Variants in FMN1 observed in about 807,000 individuals in gnomAD.
FMN1 encodes formin 1, also known as formin-1.
In FMN1, 110 loss-of-function variants were observed where a neutral mutation model predicts 132.4. The observed-to-expected ratio is 0.83, with a 90% confidence interval of 0.71 to 0.97. FMN1 has a LOEUF of 0.97. Ranked by LOEUF, FMN1 falls within the 50% of genes least tolerant of loss-of-function variation. The pLI, the probability that FMN1 is intolerant of heterozygous loss-of-function variation, is 0.00. For missense variants in FMN1, 1,792 were observed against 1,705.3 expected (o/e 1.05, Z -0.90); for synonymous variants, 722 against 651.7 (o/e 1.11, Z -1.64).
At chr15:32,933,104 T>C (rs2061163566) in intron 9 of FMN1, among the ~76,000 whole-genome samples, 1 of 152,196 alleles carries the variant, frequency 6.6e-6, no homozygotes, top group African/African-American at 2.4e-5. Context: ...TTTTTAAACA[T>C]AGGTGTTCAC....
chr15:33,161,875 G>C (rs1964907651), intron 3 of FMN1, among the ~76,000 whole-genome samples: 1 of 151,360 alleles, frequency 6.6e-6, no homozygotes, highest in Non-Finnish European at 1.5e-5. Context: ...ACGAGATCGT[G>C]CCACTGCACT....
rs934649663 is a variant in FMN1 at position 32,773,615 on chromosome 15, C to A, written c.*695G>T. The A allele has an allele frequency of 6.6e-6, 1 of 151,942 alleles. No homozygotes were observed. The highest frequency in any genetic ancestry group is 6.5e-5 in the Admixed American group (1 of 15,290). The allele number at this position is 151,942 out of a possible 1,614,324, so 9.4% of individuals were successfully genotyped here. The stretch of plus-strand genomic sequence containing the variant: ...AACAAGAATGGGCCTCACTTAACAA[C>A]TGATGTCAACTCCTTGCATGGTAAC... On this transcript the variant is annotated 3_prime_UTR_variant, in exon 21 of 21. Transcript: ENST00000616417.
chr15:32,976,565 A>C (rs534950385), intron 7 of FMN1, among the ~76,000 whole-genome samples: 41 of 152,214 alleles, frequency 2.7e-4, no homozygotes, highest in Non-Finnish European at 5.4e-4. Flanking sequence ...GCTGGTTTTA[A>C]TTAACTATTA....
chr15:32,992,396 G>T (rs2033489081), intron 7 of FMN1, among the ~76,000 whole-genome samples: 1 of 152,152 alleles, frequency 6.6e-6, no homozygotes, highest in Non-Finnish European at 1.5e-5. Flanking sequence ...GGATGATGTG[G>T]TTGAGAACAA....
chr15:32,933,116 C>A (rs1397415979), intron 9 of FMN1, among the ~76,000 whole-genome samples: 1 of 152,086 alleles, frequency 6.6e-6, no homozygotes, highest in South Asian at 2.1e-4. Context: ...GGTGTTCACC[C>A]TAAAACCTTA....
chr15:32,818,767 A>T (rs1203341710), intron 17 of FMN1, among the ~76,000 whole-genome samples: 1 of 152,152 alleles, frequency 6.6e-6, no homozygotes, highest in African/African-American at 2.4e-5. Flanking sequence ...GTATATGACA[A>T]GCCACACACA....
intron 2 of FMN1, among the ~76,000 whole-genome samples, chr15:33,184,790 C>T (rs1224927390): frequency 2.0e-5 from 3 of 152,186 alleles, no homozygotes; most frequent in Non-Finnish European, 4.4e-5. Flanking sequence ...AGGTAAGAAC[C>T]ACCGCGCCCA....
chr15:33,125,370 T>C (rs1449387524), intron 4 of FMN1, among the ~76,000 whole-genome samples: 1 of 152,212 alleles, frequency 6.6e-6, no homozygotes, highest in African/African-American at 2.4e-5. Flanking sequence ...AAATTCAGTC[T>C]TGAAGGTTAG....
At chr15:32,849,817 C>T (rs1419985709) in intron 17 of FMN1, among the ~76,000 whole-genome samples, 4 of 152,056 alleles carry the variant, frequency 2.6e-5, no homozygotes, top group East Asian at 1.9e-4. Flanking sequence ...CCACCATGTC[C>T]GGCTAATTTT....
chr15:33,127,591 A>G (rs180969421), intron 4 of FMN1, among the ~76,000 whole-genome samples: 1 of 152,354 alleles, frequency 6.6e-6, no homozygotes, highest in Non-Finnish European at 1.5e-5. Flanking sequence ...AGCATCCTAA[A>G]GCTAGTCAAC....
At chr15:32,823,332 C>A (rs1056369828) in intron 17 of FMN1, among the ~76,000 whole-genome samples, 18 of 151,658 alleles carry the variant, frequency 1.2e-4, no homozygotes, top group Admixed American at 3.3e-4. Context: ...CAGTTAATTT[C>A]TTTTTGTATT....
intron 4 of FMN1, among the ~76,000 whole-genome samples, chr15:33,146,098 C>T (rs1477453116): frequency 1.3e-5 from 2 of 151,688 alleles, no homozygotes; most frequent in Non-Finnish European, 2.9e-5. Context: ...GCTTCAGCCT[C>T]CCGAGTAACT....
At chr15:32,776,943 CAG>C (rs765528789) in intron 19 of FMN1, 24 bp from the exon 20 acceptor site, 45 of 1,408,768 alleles carry the variant, frequency 3.2e-5, no homozygotes, top group Non-Finnish European at 4.3e-5. Context: ...AGGGAAAAGA[CAG>C]GGGAGAGAGG....
rs779792622 is a variant in FMN1, at chr15:33,021,030, G to A, written c.2162-12955C>T. Among the ~76,000 whole-genome samples the A allele has an allele frequency of 1.9e-4, 29 of 152,180 alleles. 1 individual carries two copies. Among genetic ancestry groups the A allele is most frequent in the Admixed American group, 3.3e-4 (5 of 15,280 alleles). On this transcript the variant is annotated intron_variant, in intron 6 of 20. Transcript: ENST00000616417. ...TTTGGCTAGTGGAATATAAGCTGAC[G>A]TGATGTAAGGAGGGATTTAAATTTA... is the stretch of plus-strand genomic sequence containing the variant.
intron 6 of FMN1, among the ~76,000 whole-genome samples, chr15:33,025,997 T>G (rs2035647120): frequency 6.6e-6 from 1 of 152,002 alleles, no homozygotes; most frequent in African/African-American, 2.4e-5. Flanking sequence ...AAAGAAGAGA[T>G]AAAACTGGTA....
intron 5 of FMN1, among the ~76,000 whole-genome samples, chr15:33,078,279 A>C (rs2141309705): frequency 6.6e-6 from 1 of 152,356 alleles, no homozygotes; most frequent in South Asian, 2.1e-4. Flanking sequence ...ACAGGAGCTA[A>C]ATAAATGTGA....
At chr15:32,825,334 G>T (rs2058337283) in intron 17 of FMN1, among the ~76,000 whole-genome samples, 1 of 152,202 alleles carries the variant, frequency 6.6e-6, no homozygotes, top group Non-Finnish European at 1.5e-5. Context: ...TCAGGGCCCT[G>T]CCTAGGTGGT....
chr15:32,937,102 CACTT>C (rs900783623), intron 9 of FMN1, among the ~76,000 whole-genome samples: 2 of 152,138 alleles, frequency 1.3e-5, no homozygotes, highest in African/African-American at 2.4e-5. Flanking sequence ...GGTTTACTCT[CACTT>C]ACTCTGCCCT....
chr15:33,152,800 A>AAAAAAAAAAG (rs1333581285), intron 4 of FMN1, among the ~76,000 whole-genome samples: 25 of 151,220 alleles, frequency 1.7e-4, no homozygotes, highest in South Asian at 4.2e-4. Context: ...AAAAAAAAAA[A>AAAAAAAAAAG]AAAGAAAGAA....
Sources: allele counts gnomAD v4.1 joint callset (sites outside exome capture counted in the v4.1 genomes callset), GRCh38; gene constraint gnomAD v4.1.1; transcripts MANE v1.5; gene names NCBI Gene and HGNC (gene_info 2026-07-23, HGNC 2026-07-21).